VRK2: variants seen among roughly 807,000 people sequenced by gnomAD.
The protein encoded by VRK2 is serine/threonine-protein kinase VRK2.
VRK2 carries 60 observed loss-of-function variants against 57.6 expected under a neutral mutation model. The observed-to-expected ratio is 1.04, with a 90% confidence interval of 0.85 to 1.29. VRK2 has a LOEUF of 1.29. Ranked by LOEUF, VRK2 falls within the 50% of genes most tolerant of loss-of-function variation. VRK2 has a pLI of 0.00. For synonymous variants in VRK2, 231 were observed against 199.2 expected, an observed-to-expected ratio of 1.16 and a Z score of -1.35; for missense variants, 705 against 588.1, an observed-to-expected ratio of 1.20 and a Z score of -2.06.
chr2:58,118,249 T>C (rs550819982), intron 7 of VRK2, among the ~76,000 whole-genome samples: 2 of 152,326 alleles, frequency 1.3e-5, no homozygotes, highest in Admixed American at 1.3e-4. Flanking sequence ...GACTTGCCGC[T>C]AAGGGTGAAG....
chr2:58,031,117 C>G (rs1674098446), intron 2 of VRK2, among the ~76,000 whole-genome samples: 1 of 152,060 alleles, frequency 6.6e-6, no homozygotes, highest in Non-Finnish European at 1.5e-5. Context: ...TGATAACATA[C>G]TTGTTACTTT....
At position 57,959,778 on chromosome 2, in the gene VRK2, G is replaced by A. The variant is rs17049265; in HGVS notation, c.-439+51939G>A. 7.8e-3 allele frequency among the ~76,000 whole-genome samples: 1,188 copies of A among 152,262 alleles called. 20 individuals carry two copies. Among genetic ancestry groups the A allele is most frequent in the African/African-American group, 0.026 (1,082 of 41,558 alleles). ...GTGAACTGATAGGAGAGATACTGTAGCTGGCAGCGCTGAATTCCCATTTCC... is the reference window on the plus strand; with the variant it reads ...GTGAACTGATAGGAGAGATACTGTAACTGGCAGCGCTGAATTCCCATTTCC... On this transcript the variant is annotated intron_variant, in intron 1 of 15. Coordinates refer to the VRK2 transcript ENST00000417641.
At chr2:58,024,457 A>G (rs1673862729) in intron 1 of VRK2, among the ~76,000 whole-genome samples, 1 of 152,226 alleles carries the variant, frequency 6.6e-6, no homozygotes, top group Non-Finnish European at 1.5e-5. Context: ...TAAAACCTCA[A>G]TTAGTAGTGG....
intron 2 of VRK2, among the ~76,000 whole-genome samples, chr2:58,055,520 T>A (rs1266421952): frequency 6.6e-6 from 1 of 150,898 alleles, no homozygotes; most frequent in Admixed American, 6.6e-5. Context: ...AGTATTGTAA[T>A]GAAGTTTCCA....
At chr2:58,137,974 C>T (rs1265022094) in intron 10 of VRK2, among the ~76,000 whole-genome samples, 1 of 152,006 alleles carries the variant, frequency 6.6e-6, no homozygotes, top group Admixed American at 6.6e-5. Flanking sequence ...ATTTTCTCCC[C>T]CTCCTACCTC....
intron 1 of VRK2, among the ~76,000 whole-genome samples, chr2:57,910,841 T>C (rs970611949): frequency 2.0e-5 from 3 of 152,142 alleles, no homozygotes; most frequent in Admixed American, 6.6e-5. Context: ...CTAGATGTCA[T>C]CCTCTTACAC....
chr2:57,959,964 T>A (rs561508113), intron 1 of VRK2, among the ~76,000 whole-genome samples: 23 of 151,332 alleles, frequency 1.5e-4, no homozygotes, highest in African/African-American at 5.6e-4. Flanking sequence ...TGAGCATTGA[T>A]CATCCGAGCC....
chr2:57,928,269 C>A (rs1405572487), intron 1 of VRK2, among the ~76,000 whole-genome samples: 1 of 151,948 alleles, frequency 6.6e-6, no homozygotes, highest in South Asian at 2.1e-4. Flanking sequence ...TTCAGATAGC[C>A]TGTCTTCAAG....
rs146504986 is a variant in VRK2 at position 58,153,386 on chromosome 2, C to G, written c.1183-5963C>G. 6.7e-3 allele frequency among the ~76,000 whole-genome samples: 1,019 copies of G among 152,068 alleles called. 11 individuals are homozygous for G. The highest frequency in any genetic ancestry group is 0.023 in the African/African-American group (951 of 41,524). Reference sequence around the variant, plus strand: ...TTCTGTATAAAGTTGAGGAAGCTCCCCTCCATTTCTAATGTACTAAGAGTT... The same window carrying G: ...TTCTGTATAAAGTTGAGGAAGCTCCGCTCCATTTCTAATGTACTAAGAGTT... On this transcript the variant is annotated intron_variant, in intron 12 of 12. Transcript: ENST00000340157.
At chr2:57,970,481 T>TA (rs1334491580) in intron 1 of VRK2, among the ~76,000 whole-genome samples, 2 of 151,396 alleles carry the variant, frequency 1.3e-5, no homozygotes, top group Non-Finnish European at 3.0e-5. Flanking sequence ...TTAATATATA[T>TA]TTTTCTTAGC....
chr2:57,972,153 C>T (rs1359057727), intron 1 of VRK2, among the ~76,000 whole-genome samples: 1 of 151,692 alleles, frequency 6.6e-6, no homozygotes, highest in African/African-American at 2.4e-5. Context: ...TACTTAGAGG[C>T]CACAATATGG....
intron 1 of VRK2, among the ~76,000 whole-genome samples, chr2:57,933,305 T>C (rs1670793780): frequency 8.2e-6 from 1 of 122,072 alleles, no homozygotes; most frequent in Non-Finnish European, 1.6e-5. Context: ...ATTTCTTTCT[T>C]TTTCTTTTTT....
At chr2:58,052,165 G>A (rs1163487896) in intron 2 of VRK2, among the ~76,000 whole-genome samples, 2 of 152,124 alleles carry the variant, frequency 1.3e-5, no homozygotes, top group Non-Finnish European at 2.9e-5. Context: ...TATTCATCTA[G>A]TTACTTAATC....
intron 9 of VRK2, 41 bp from the exon 10 acceptor site, chr2:58,135,099 GT>G: frequency 6.2e-7 from 1 of 1,605,192 alleles, no homozygotes; most frequent in Non-Finnish European, 8.5e-7. Context: ...TAATCACAGG[GT>G]TGAAAACATG....
At chr2:57,912,293 G>A (rs1051005012) in intron 1 of VRK2, among the ~76,000 whole-genome samples, 6 of 152,204 alleles carry the variant, frequency 3.9e-5, no homozygotes, top group Admixed American at 3.9e-4. Flanking sequence ...CAGACATCTG[G>A]GTTCATACTT....
intron 10 of VRK2, among the ~76,000 whole-genome samples, chr2:58,137,039 TATATA>T (rs1234839723): frequency 7.9e-6 from 1 of 126,570 alleles, no homozygotes; most frequent in Non-Finnish European, 1.5e-5. Context: ...ATATATATCA[TATATA>T]ATATATATGT....
chr2:57,911,227 A>G (rs1669976101), intron 1 of VRK2, among the ~76,000 whole-genome samples: 1 of 152,120 alleles, frequency 6.6e-6, no homozygotes, highest in Non-Finnish European at 1.5e-5. Context: ...GATTATAAAC[A>G]TTATGCTTTT....
intron 1 of VRK2, among the ~76,000 whole-genome samples, chr2:57,994,989 A>G (rs1672882515): frequency 6.6e-6 from 1 of 152,218 alleles, no homozygotes; most frequent in African/African-American, 2.4e-5. Flanking sequence ...AAAAATATCA[A>G]GAAAATATGT....
At chr2:58,027,403 T>C (rs547475434) in intron 2 of VRK2, among the ~76,000 whole-genome samples, 1 of 152,290 alleles carries the variant, frequency 6.6e-6, no homozygotes, top group East Asian at 1.9e-4. Context: ...AAAACAGCCC[T>C]GATTGATAGT....
Sources: gnomAD v4.1 joint callset for allele counts (sites outside exome capture counted in the v4.1 genomes callset) on GRCh38, gnomAD v4.1.1 for gene constraint, MANE v1.5 for transcripts, NCBI Gene and HGNC (gene_info 2026-07-23, HGNC 2026-07-21) for gene names.